VTI1A: variants seen among roughly 807,000 people sequenced by gnomAD.
VTI1A encodes the protein vesicle transport through interaction with t-SNAREs 1A.
A neutral mutation model predicts 34.9 loss-of-function variants in VTI1A; 22 were observed. The observed-to-expected ratio is 0.63, with a 90% CI of 0.45 to 0.90. The LOEUF is 0.90. Ranked by LOEUF, VTI1A falls within the 40% of genes least tolerant of loss-of-function variation. The pLI is 0.00. For synonymous variants in VTI1A, 87 were observed against 97.3 expected (o/e 0.89, Z 0.62); for missense variants, 268 against 275.6 (o/e 0.97, Z 0.20).
intron 5 of VTI1A, among the ~76,000 whole-genome samples, chr10:112,598,437 T>C (rs560269336): frequency 1.1e-4 from 17 of 152,362 alleles, no homozygotes; most frequent in African/African-American, 4.1e-4. Flanking sequence ...CATTTTGTGA[T>C]GTGCATTTAG....
chr10:112,725,206 G>C (rs1473236814), intron 7 of VTI1A, among the ~76,000 whole-genome samples: 1 of 152,124 alleles, frequency 6.6e-6, no homozygotes, highest in Non-Finnish European at 1.5e-5. Context: ...ATCTATTACA[G>C]ATCGCCCTCC....
chr10:112,591,042 A>G (rs1410409980), intron 5 of VTI1A, among the ~76,000 whole-genome samples: 2 of 152,344 alleles, frequency 1.3e-5, no homozygotes, highest in Admixed American at 6.5e-5. Flanking sequence ...CAGAGGTTGC[A>G]GTGAGCCGAG....
intron 5 of VTI1A, among the ~76,000 whole-genome samples, chr10:112,575,355 A>G (rs754418842): frequency 1.3e-5 from 2 of 152,198 alleles, no homozygotes; most frequent in Non-Finnish European, 1.5e-5. Context: ...TCTTTTCATT[A>G]TAATCTTTGT....
At chr10:112,734,106 T>C (rs1244305807) in intron 7 of VTI1A, among the ~76,000 whole-genome samples, 3 of 152,130 alleles carry the variant, frequency 2.0e-5, no homozygotes, top group Non-Finnish European at 4.4e-5. Context: ...CTTCCCCAGT[T>C]TGTCTTTCTC....
intron 2 of VTI1A, among the ~76,000 whole-genome samples, chr10:112,464,041 C>T (rs1847815613): frequency 6.6e-6 from 1 of 152,150 alleles, no homozygotes; most frequent in Non-Finnish European, 1.5e-5. Context: ...CTCACCTAGA[C>T]TGGAAGGAGT....
intron 5 of VTI1A, among the ~76,000 whole-genome samples, chr10:112,544,533 A>G (rs1432321581): frequency 6.6e-6 from 1 of 152,134 alleles, no homozygotes; most frequent in Non-Finnish European, 1.5e-5. Flanking sequence ...ATAATGGACA[A>G]GACCATTTTG....
chr10:112,689,137 G>A (rs1848530177), intron 7 of VTI1A, among the ~76,000 whole-genome samples: 1 of 152,152 alleles, frequency 6.6e-6, no homozygotes, highest in Admixed American at 6.5e-5. Context: ...TAATATTGAT[G>A]ACAAAAATGT....
At chr10:112,591,892 CCA>C (rs1844404172) in intron 5 of VTI1A, among the ~76,000 whole-genome samples, 1 of 152,214 alleles carries the variant, frequency 6.6e-6, no homozygotes, top group Non-Finnish European at 1.5e-5. Flanking sequence ...TGGGCCTAAT[CCA>C]ATCATGTTAG....
intron 5 of VTI1A, among the ~76,000 whole-genome samples, chr10:112,579,426 G>A (rs557396214): frequency 2.0e-5 from 3 of 152,144 alleles, no homozygotes; most frequent in Non-Finnish European, 4.4e-5. Flanking sequence ...ATCTGGCTGG[G>A]CACTGTGGCT....
chr10:112,847,033 C>G, the VTI1A span, among the ~76,000 whole-genome samples: 2 of 152,192 alleles, frequency 1.3e-5, no homozygotes, highest in Non-Finnish European at 2.9e-5. Flanking sequence ...TATTAAGCCA[C>G]TAGTTTTGGT....
rs139214996 is a variant in VTI1A at position 112,573,104 on chromosome 10, T to A, written c.427+34774T>A. ...CCAAATGGGTTGAGGTTTATACTCA[T>A]AATGTAGCAAATTTTGAGAATTGTT... On this transcript the variant is annotated intron_variant, in intron 5 of 7. Coordinates refer to ENST00000393077, the MANE Select transcript of VTI1A (RefSeq NM_145206.4). 2.9e-3 allele frequency among the ~76,000 whole-genome samples: 448 copies of A among 152,212 alleles called. 3 individuals are homozygous for A. The highest frequency in any genetic ancestry group is 9.9e-3 in the African/African-American group (413 of 41,520).
At chr10:112,823,080 A>C (rs1021817769), downstream of VTI1A, among the ~76,000 whole-genome samples, 4 of 152,164 alleles carry the variant, frequency 2.6e-5, no homozygotes, top group Non-Finnish European at 5.9e-5. Context: ...ATGCACCATC[A>C]CTGTGAATTA....
intron 3 of VTI1A, among the ~76,000 whole-genome samples, chr10:112,511,628 C>G (rs541660529): frequency 6.6e-6 from 1 of 152,230 alleles, no homozygotes; most frequent in African/African-American, 2.4e-5. Flanking sequence ...AGTATATTCA[C>G]TCTACTCTGC....
intron 5 of VTI1A, among the ~76,000 whole-genome samples, chr10:112,619,067 T>G (rs1165819671): frequency 1.3e-5 from 2 of 151,732 alleles, no homozygotes; most frequent in Non-Finnish European, 2.9e-5. Flanking sequence ...AACACAGTTT[T>G]TTTTTTTTTT....
At chr10:112,458,534 T>C (rs917878908) in intron 1 of VTI1A, among the ~76,000 whole-genome samples, 1 of 152,158 alleles carries the variant, frequency 6.6e-6, no homozygotes, top group African/African-American at 2.4e-5. Context: ...TAAAACACCT[T>C]ATGTGACAAC....
intron 2 of VTI1A, among the ~76,000 whole-genome samples, chr10:112,461,064 A>C (rs946778018): frequency 2.0e-5 from 3 of 152,228 alleles, no homozygotes; most frequent in Admixed American, 2.0e-4. Flanking sequence ...TGAGACTCCT[A>C]GGTCAGAGAC....
intron 5 of VTI1A, among the ~76,000 whole-genome samples, chr10:112,653,613 G>T (rs540810413): frequency 6.6e-6 from 1 of 152,324 alleles, no homozygotes; most frequent in African/African-American, 2.4e-5. Flanking sequence ...TCATGTGGTG[G>T]TTGTGAAGAT....
intron 5 of VTI1A, among the ~76,000 whole-genome samples, chr10:112,561,780 C>A (rs887024305): frequency 3.3e-5 from 5 of 151,984 alleles, no homozygotes; most frequent in African/African-American, 7.2e-5. Context: ...GGAAAAAAGT[C>A]TTTAAAGAGA....
intron 7 of VTI1A, among the ~76,000 whole-genome samples, chr10:112,736,105 GTGTGTGTATATATATA>G (rs1850444660): frequency 1.1e-5 from 1 of 90,270 alleles, no homozygotes; most frequent in African/African-American, 7.5e-5. Flanking sequence ...ATATATATGT[GTGTGTGTATATATATA>G]TATATATATA....
Sources: allele counts gnomAD v4.1 joint callset (sites outside exome capture counted in the v4.1 genomes callset), GRCh38; gene constraint gnomAD v4.1.1; transcripts MANE v1.5; gene names NCBI Gene and HGNC (gene_info 2026-07-23, HGNC 2026-07-21).